Variants in DENND5A observed in about 807,000 individuals in gnomAD.
The protein encoded by DENND5A is DENN domain-containing protein 5A.
Under a neutral mutation model 140.3 loss-of-function variants are expected in DENND5A, and 64 were observed. The observed-to-expected ratio is 0.46, with a 90% CI of 0.37 to 0.56. The LOEUF (loss-of-function observed/expected upper bound fraction) is 0.56. Ranked by LOEUF, DENND5A falls within the 20% of genes least tolerant of loss-of-function variation. The probability of loss-of-function intolerance (pLI) is 0.00; values close to 1 mark genes in which losing one functional copy is unlikely to be tolerated. For synonymous variants in DENND5A, 605 were observed against 607.7 expected, an observed-to-expected ratio of 1.00 and a Z score of 0.07; for missense variants, 1,292 against 1,593.8, an observed-to-expected ratio of 0.81 and a Z score of 3.22.
chr11:9,206,886 C>T (rs1030686531), intron 2 of DENND5A, 104 bp from the exon 3 acceptor site: 10 of 799,606 alleles, frequency 1.3e-5, no homozygotes, highest in Non-Finnish European at 2.1e-5. Context: ...GAAATGAAGG[C>T]AAGGGGGTTA....
intron 1 of DENND5A, among the ~76,000 whole-genome samples, chr11:9,255,644 T>C (rs1851913752): frequency 6.6e-6 from 1 of 151,994 alleles, no homozygotes; most frequent in Non-Finnish European, 1.5e-5. Flanking sequence ...GGCAGGTGGA[T>C]CATGAAGTCA....
intron 1 of DENND5A, among the ~76,000 whole-genome samples, chr11:9,217,817 TAC>T (rs1850153731): frequency 1.3e-5 from 2 of 152,298 alleles, no homozygotes; most frequent in African/African-American, 4.8e-5. Context: ...GCTAGTAAAA[TAC>T]AGTCTCCTAC....
chr11:9,162,150 G>A (rs1029411455), intron 11 of DENND5A, among the ~76,000 whole-genome samples: 1 of 109,606 alleles, frequency 9.1e-6, no homozygotes, highest in African/African-American at 4.5e-5. Context: ...TCTTTCCACT[G>A]TTAGTTTTTA....
At chr11:9,161,858 T>C (rs1847994601) in intron 11 of DENND5A, among the ~76,000 whole-genome samples, 1 of 151,894 alleles carries the variant, frequency 6.6e-6, no homozygotes, top group Non-Finnish European at 1.5e-5. Flanking sequence ...AGTATATTTA[T>C]AGTCTAAGTA....
Position 9,165,101 on chromosome 11 carries a change from G to A in DENND5A, c.2283+735C>T, listed in dbSNP as rs190108688. Among the ~76,000 whole-genome samples, 88 of 152,262 alleles carry A rather than the reference G, an allele frequency of 5.8e-4. 2 individuals are homozygous for A. The highest frequency in any genetic ancestry group is 1.7e-3 in the Admixed American group (26 of 15,298). On this transcript the variant is annotated intron_variant, in intron 11 of 22. Coordinates refer to ENST00000328194, the MANE Select transcript of DENND5A (RefSeq NM_015213.4). ...TGCAACCTCCGCCTCCCGGGTTCAA[G>A]AGATTCTCCTGCCTCAGTCTCCCAA...
At chr11:9,190,739 A>G (rs1241371546) in intron 5 of DENND5A, among the ~76,000 whole-genome samples, 1 of 152,210 alleles carries the variant, frequency 6.6e-6, no homozygotes, top group African/African-American at 2.4e-5. Context: ...GCATCAAAAT[A>G]TCAAAAGTAG....
intron 22 of DENND5A, 123 bp downstream of exon 22, chr11:9,141,817 T>C: frequency 1.2e-6 from 1 of 862,572 alleles, no homozygotes; most frequent in Non-Finnish European, 1.7e-6. Context: ...CTAGGAAACC[T>C]TCTAAGGCCT....
chr11:9,146,904 G>C (rs1847449177), intron 16 of DENND5A, 126 bp downstream of exon 16: 1 of 1,152,356 alleles, frequency 8.7e-7, no homozygotes, highest in African/African-American at 1.5e-5. Flanking sequence ...TCCCCACAGA[G>C]GCAAAAGACA....
chr11:9,183,576 C>T (rs1350818178), intron 5 of DENND5A, among the ~76,000 whole-genome samples: 3 of 151,936 alleles, frequency 2.0e-5, no homozygotes, highest in African/African-American at 7.3e-5. Flanking sequence ...TCACACCTGG[C>T]TAATTGTTGT....
intron 5 of DENND5A, among the ~76,000 whole-genome samples, chr11:9,184,759 G>C (rs192202582): frequency 6.6e-6 from 1 of 152,260 alleles, no homozygotes; most frequent in Admixed American, 6.5e-5. Flanking sequence ...CTTATGCCAT[G>C]TTTCTATTGG....
At chr11:9,261,106 C>G (rs113769240) in intron 1 of DENND5A, among the ~76,000 whole-genome samples, 8,900 of 152,272 alleles carry the variant, frequency 0.058, 361 homozygotes, top group South Asian at 0.1. Context: ...CCACCTCAGC[C>G]TCCCAAAGTA....
intron 1 of DENND5A, chr11:9,242,568 A>T (rs1479478662): frequency 6.6e-6 from 1 of 152,210 alleles, no homozygotes; most frequent in Non-Finnish European, 1.5e-5. Context: ...TTCTTGCTTT[A>T]TAGTCTCGGG....
intron 6 of DENND5A, among the ~76,000 whole-genome samples, chr11:9,179,506 T>C (rs545583503): frequency 1.5e-4 from 23 of 151,930 alleles, no homozygotes; most frequent in African/African-American, 5.1e-4. Context: ...AAACCTTTTT[T>C]TTTTTTTTTT....
At chr11:9,184,799 G>A (rs1373729694) in intron 5 of DENND5A, among the ~76,000 whole-genome samples, 1 of 152,132 alleles carries the variant, frequency 6.6e-6, no homozygotes, top group Non-Finnish European at 1.5e-5. Flanking sequence ...CCCACTTGCA[G>A]TTCTTTATAT....
At chr11:9,255,261 C>A (rs1210780554) in intron 1 of DENND5A, among the ~76,000 whole-genome samples, 1 of 152,156 alleles carries the variant, frequency 6.6e-6, no homozygotes, top group Admixed American at 6.5e-5. Context: ...ACTAGTGCAG[C>A]TGTTTTGGAA....
rs554550679 is a variant in DENND5A at position 9,184,357 on chromosome 11, G to GAA, written c.1138-3275_1138-3274dup. Among the ~76,000 whole-genome samples, 819 of 136,522 alleles carry GAA rather than the reference G, an allele frequency of 6.0e-3. 11 individuals carry two copies. Among genetic ancestry groups the GAA allele is most frequent in the African/African-American group, 0.021 (772 of 37,502 alleles). The allele number at this position is 136,522 out of a possible 152,430, so 89.6% of individuals were successfully genotyped here. A position where few individuals can be genotyped will look rare whatever the true frequency, so the allele number is the denominator to read the frequency against. On this transcript the variant is annotated intron_variant, in intron 5 of 22. Coordinates refer to ENST00000328194, the MANE Select transcript of DENND5A (RefSeq NM_015213.4). The stretch of plus-strand genomic sequence containing the variant: ...GACAGAGCGAGACTCCGTCTCAAAA[G>GAA]AAAAAAAAAAAAGACATTTCAGTTG...
Position 9,213,128 on chromosome 11 carries a change from C to T in DENND5A, c.110-5496G>A, listed in dbSNP as rs534357575. On this transcript the variant is annotated intron_variant, in intron 1 of 22. Coordinates refer to ENST00000328194, the MANE Select transcript of DENND5A (RefSeq NM_015213.4). The stretch of plus-strand genomic sequence containing the variant: ...AAGTGATTCTCCTTCCTCGGCCTCC[C>T]GAGTAGCTGGGATTACAGGTGCCTG... Among the ~76,000 whole-genome samples, 32 of 151,872 alleles carry T rather than the reference C, an allele frequency of 2.1e-4. No individual in the cohort carries two copies. In the South Asian group the frequency reaches 6.5e-3, roughly 31 times the overall value.
At chr11:9,214,680 T>A (rs1850016781) in intron 1 of DENND5A, among the ~76,000 whole-genome samples, 1 of 152,144 alleles carries the variant, frequency 6.6e-6, no homozygotes. Context: ...ATACAAGCAG[T>A]GAACTGTCCA....
intron 17 of DENND5A, 68 bp downstream of exon 17, chr11:9,145,602 G>T (rs1847401973): frequency 1.3e-6 from 2 of 1,571,026 alleles, no homozygotes; most frequent in Non-Finnish European, 8.7e-7. Context: ...AAACCCTGCA[G>T]AAAACTCCCC....
Sources: gnomAD v4.1 joint callset for allele counts (sites outside exome capture counted in the v4.1 genomes callset) on GRCh38, gnomAD v4.1.1 for gene constraint, MANE v1.5 for transcripts, NCBI Gene and HGNC (gene_info 2026-07-23, HGNC 2026-07-21) for gene names.